PCDHA1: variants seen among roughly 807,000 people sequenced by gnomAD.
PCDHA1 encodes protocadherin alpha 1.
Under a neutral mutation model 61.3 loss-of-function variants are expected in PCDHA1, and 42 were observed. That is an observed-to-expected ratio of 0.69 (90% CI 0.54 to 0.89). PCDHA1 has a LOEUF of 0.89. Ranked by LOEUF, PCDHA1 falls within the 40% of genes least tolerant of loss-of-function variation. PCDHA1 has a pLI of 0.00. For missense variants in PCDHA1, 1,256 were observed against 1,235.3 expected (o/e 1.02, Z -0.25); for synonymous variants, 610 against 553.8 (o/e 1.10, Z -1.43).
At chr5:140,989,598 T>C (rs369591964) in intron 3 of PCDHA1, among the ~76,000 whole-genome samples, 431 of 152,260 alleles carry the variant, frequency 2.8e-3, no homozygotes, top group Middle Eastern at 6.8e-3. Flanking sequence ...CTGACACAAG[T>C]AAACTAAAAA....
At chr5:140,803,643 A>C (rs181372274) in intron 1 of PCDHA1, 30 of 1,613,254 alleles carry the variant, frequency 1.9e-5, no homozygotes, top group Admixed American at 1.7e-4. Context: ...TTCATTCCTC[A>C]ATGTTTCCAC....
intron 1 of PCDHA1, among the ~76,000 whole-genome samples, chr5:140,918,162 A>G (rs1344100803): frequency 1.3e-5 from 2 of 152,122 alleles, no homozygotes; most frequent in Non-Finnish European, 2.9e-5. Context: ...TCTATTGTAA[A>G]TGGCATTGTG....
At chr5:140,885,970 A>G (rs1554182306) in intron 1 of PCDHA1, among the ~76,000 whole-genome samples, 1 of 152,122 alleles carries the variant, frequency 6.6e-6, no homozygotes, top group Non-Finnish European at 1.5e-5. Flanking sequence ...TTTTGAGATA[A>G]TTATAGATTC....
chr5:140,909,494 G>A (rs1554193825), intron 1 of PCDHA1, among the ~76,000 whole-genome samples: 2 of 152,174 alleles, frequency 1.3e-5, no homozygotes, highest in African/African-American at 4.8e-5. Context: ...GAGCTGAACG[G>A]GGATGTGGTG....
At chr5:140,790,866 G>A (rs1461827266) in intron 1 of PCDHA1, among the ~76,000 whole-genome samples, 1 of 152,178 alleles carries the variant, frequency 6.6e-6, no homozygotes, top group Admixed American at 6.5e-5. Context: ...GGGCGTAGGA[G>A]TACAAAATTT....
At chr5:140,821,958 C>T (rs1322134244) in intron 1 of PCDHA1, 1 of 1,614,038 alleles carries the variant, frequency 6.2e-7, no homozygotes, top group Non-Finnish European at 8.5e-7. Context: ...TGGTGCCGCG[C>T]CTGTTCCGGG....
chr5:140,809,331 T>G lies in PCDHA1; in HGVS notation c.2394+20647T>G, dbSNP rs1185037292. On this transcript the variant is annotated intron_variant, in intron 1 of 3. Coordinates refer to ENST00000504120, the MANE Select transcript of PCDHA1 (RefSeq NM_018900.4). Reference sequence around the variant, plus strand: ...GTGTCCAGCCTTTTGGTGCTCACGCTGCTGCTGTACACCGCGCTGCGGTGC... The same window carrying G: ...GTGTCCAGCCTTTTGGTGCTCACGCGGCTGCTGTACACCGCGCTGCGGTGC... The G allele has an allele frequency of 6.2e-7, 1 of 1,614,088 alleles. No individual in the cohort carries two copies. The highest frequency in any genetic ancestry group is 1.7e-5 in the Admixed American group (1 of 60,032).
chr5:140,839,371 A>G (rs1475600989), intron 1 of PCDHA1, among the ~76,000 whole-genome samples: 2 of 67,948 alleles, frequency 2.9e-5, no homozygotes, highest in Admixed American at 1.8e-4. Context: ...AGCTGTATTC[A>G]TCAATTATTA....
rs782762108 is a variant in PCDHA1 at position 140,876,906 on chromosome 5, G to A, written c.2394+88222G>A. 3.7e-6 allele frequency: 6 copies of A among 1,613,910 alleles called. No homozygotes were observed. In the African/African-American group the frequency reaches 8.0e-5, roughly 22 times the overall value. On this transcript the variant is annotated intron_variant, in intron 1 of 3. Transcript: ENST00000504120. Reference sequence around the variant, plus strand: ...CGGGCTGCCACATCTTCACGGTGTCGGCATGGGACGCGGACGCGCAGAAGA... The same window carrying A: ...CGGGCTGCCACATCTTCACGGTGTCAGCATGGGACGCGGACGCGCAGAAGA...
At chr5:140,841,935 C>T in intron 1 of PCDHA1, 1 of 1,613,898 alleles carries the variant, frequency 6.2e-7, no homozygotes, top group South Asian at 1.1e-5. Flanking sequence ...AGAGAGGACG[C>T]TCCTGCGCAC....
intron 1 of PCDHA1, chr5:140,803,791 TC>T: frequency 1.2e-6 from 1 of 827,544 alleles, no homozygotes; most frequent in Non-Finnish European, 1.8e-6. Flanking sequence ...AGTTATGATA[TC>T]CACACTTGTA....
chr5:140,851,970 CTACCTT>C, intron 1 of PCDHA1: 3 of 977,062 alleles, frequency 3.1e-6, no homozygotes, highest in Non-Finnish European at 2.5e-6. Context: ...TTTCCACACT[CTACCTT>C]TAGTGCAAGC....
At chr5:140,837,616 C>T (rs2150277416) in intron 1 of PCDHA1, among the ~76,000 whole-genome samples, 6 of 143,768 alleles carry the variant, frequency 4.2e-5, no homozygotes, top group African/African-American at 1.6e-4. Flanking sequence ...ATAATTTGCC[C>T]CTTCCTTCCT....
At chr5:141,003,158 A>G (rs902811266) in intron 3 of PCDHA1, among the ~76,000 whole-genome samples, 4 of 152,222 alleles carry the variant, frequency 2.6e-5, no homozygotes, top group Non-Finnish European at 5.9e-5. Context: ...GACCTGATCA[A>G]TCCTAGTCCC....
intron 1 of PCDHA1, chr5:140,788,941 T>C: frequency 1.5e-6 from 1 of 666,672 alleles, no homozygotes; most frequent in East Asian, 3.0e-5. Context: ...CAAGGTACAA[T>C]AAAAGGTAAT....
intron 3 of PCDHA1, among the ~76,000 whole-genome samples, chr5:140,993,449 CCTT>C (rs1214858534): frequency 1.4e-5 from 2 of 144,318 alleles, no homozygotes; most frequent in Non-Finnish European, 1.5e-5. Flanking sequence ...TTCCTGTTCT[CCTT>C]CTTTCTTTCT....
At chr5:140,823,113 C>T in intron 1 of PCDHA1, 1 of 1,614,074 alleles carries the variant, frequency 6.2e-7, no homozygotes, top group Non-Finnish European at 8.5e-7. Context: ...AAGTGGCCGA[C>T]GTGAACGACA....
chr5:140,863,997 T>A (rs1186516549), intron 1 of PCDHA1: 1 of 152,666 alleles, frequency 6.6e-6, no homozygotes, highest in African/African-American at 2.4e-5. Context: ...TGAAACTCTG[T>A]CTTAAAAAAA....
intron 1 of PCDHA1, among the ~76,000 whole-genome samples, chr5:140,912,002 A>T (rs1452427916): frequency 6.6e-6 from 1 of 152,236 alleles, no homozygotes; most frequent in Non-Finnish European, 1.5e-5. Flanking sequence ...ACAATAGGCC[A>T]TCTGCAAGCT....
Sources: gnomAD v4.1 joint callset for allele counts (sites outside exome capture counted in the v4.1 genomes callset) on GRCh38, gnomAD v4.1.1 for gene constraint, MANE v1.5 for transcripts, NCBI Gene and HGNC (gene_info 2026-07-23, HGNC 2026-07-21) for gene names.